The following ANKRD50 variants were observed in gnomAD, a reference collection of about 807,000 sequenced individuals.
ANKRD50 encodes ankyrin repeat domain-containing protein 50.
Under a neutral mutation model 112.0 loss-of-function variants are expected in ANKRD50, and 40 were observed. The ratio of observed to expected loss-of-function variants is 0.36; its 90% CI spans 0.28 to 0.46. The LOEUF is 0.46. Ranked by LOEUF, ANKRD50 falls within the 20% of genes least tolerant of loss-of-function variation. The probability of loss-of-function intolerance (pLI) is 1.00; values close to 1 mark genes in which losing one functional copy is unlikely to be tolerated. For missense variants in ANKRD50, 1,487 were observed against 1,701.7 expected (o/e 0.87, Z 2.22); for synonymous variants, 613 against 619.1 (o/e 0.99, Z 0.15).
chr4:124,683,494 A>G (rs758993503), intron 2 of ANKRD50, among the ~76,000 whole-genome samples: 1 of 151,990 alleles, frequency 6.6e-6, no homozygotes, highest in Non-Finnish European at 1.5e-5. Flanking sequence ...AATATTGTTA[A>G]CTAGTATTAT....
intron 3 of ANKRD50, among the ~76,000 whole-genome samples, chr4:124,676,406 CA>C (rs1488246294): frequency 6.6e-6 from 1 of 151,224 alleles, no homozygotes; most frequent in Non-Finnish European, 1.5e-5. Flanking sequence ...AAGAAAATTA[CA>C]AAAATTAAGC....
chr4:124,710,351 A>G lies in ANKRD50; in HGVS notation c.161T>C (p.Val54Ala), dbSNP rs369039763. Residue 54 changes from valine (V) to alanine (A), a missense_variant, in exon 2 of 5, where the codon GTA becomes GCA. By Grantham distance (64) the Val-to-Ala change is moderately conservative (BLOSUM62 0). Coordinates refer to ENST00000504087, the MANE Select transcript of ANKRD50 (RefSeq NM_020337.3). ...ACTAGCATTATTCCCAGAATTCATT[A>G]CAAGTGATGGTGCATTGACAGCACT... ...CNSAVNAPSL[V>A]MNSGNNASGV... 2.5e-5 allele frequency: 40 copies of G among 1,614,054 alleles called. No homozygotes were observed. Among genetic ancestry groups the G allele is most frequent in the Non-Finnish European group, 3.4e-5 (40 of 1,180,034 alleles).
chr4:124,692,887 A>G (rs140958431), intron 2 of ANKRD50, among the ~76,000 whole-genome samples: 114 of 152,282 alleles, frequency 7.5e-4, no homozygotes, highest in African/African-American at 2.6e-3. Flanking sequence ...TTATGCCTAG[A>G]GTATGTAGAA....
rs886696941 is a variant in ANKRD50 at position 124,712,614 on chromosome 4, C to G, written c.-920G>C. On this transcript the variant is annotated 5_prime_UTR_variant, in exon 1 of 5. Coordinates refer to ENST00000504087, the MANE Select transcript of ANKRD50 (RefSeq NM_020337.3). The stretch of plus-strand genomic sequence containing the variant: ...CCGGGCCCGGGGCACGCTCCCAGCT[C>G]CGGATCCTCCTCTTGGCCCCCGGCG... 1.3e-5 allele frequency: 2 copies of G among 153,776 alleles called. No homozygotes were observed. The highest frequency in any genetic ancestry group is 4.8e-5 in the African/African-American group (2 of 41,436). The allele number at this position is 153,776 out of a possible 1,614,324, so 9.5% of individuals were successfully genotyped here. A position where few individuals can be genotyped will look rare whatever the true frequency, so the allele number is the denominator to read the frequency against.
rs1476069817 is a variant in ANKRD50 at position 124,664,531 on chromosome 4, A to AT, written c.*2986dup. The AT allele has an allele frequency of 2.6e-5, 4 of 152,520 alleles. No individual in the cohort carries two copies. The highest frequency in any genetic ancestry group is 4.1e-4 in the South Asian group (2 of 4,832). The allele number at this position is 152,520 out of a possible 1,614,324, so 9.4% of individuals were successfully genotyped here. A position where few individuals can be genotyped will look rare whatever the true frequency, so the allele number is the denominator to read the frequency against. On this transcript the variant is annotated 3_prime_UTR_variant, in exon 5 of 5. Transcript: ENST00000504087. ...ATTATGCACTTTCATATACACAGGG[A>AT]TTTTTTGAGTAATATCATACAAGGG...
intron 3 of ANKRD50, among the ~76,000 whole-genome samples, chr4:124,675,203 A>G (rs1730746776): frequency 6.6e-6 from 1 of 151,724 alleles, no homozygotes; most frequent in African/African-American, 2.4e-5. Flanking sequence ...GAACTTTTCT[A>G]TTCTTACTTG....
intron 2 of ANKRD50, among the ~76,000 whole-genome samples, chr4:124,688,743 A>G (rs1725063934): frequency 1.3e-5 from 2 of 152,160 alleles, no homozygotes; most frequent in Non-Finnish European, 2.9e-5. Flanking sequence ...CACTGAAGTC[A>G]GCGAAGCCCA....
At position 124,669,379 on chromosome 4, in the gene ANKRD50, C is replaced by T. The variant is rs1285768749; in HGVS notation, c.3898G>A (p.Glu1300Lys). The change falls in exon 4 of 5, where the codon GAA (glutamate) becomes AAA (lysine). Residue 1300 changes from glutamate to lysine, a missense_variant. This residue lies in a region of ANKRD50 where 441 missense variants were observed against 432.2 expected (regional missense o/e 1.02). Coordinates refer to ENST00000504087, the MANE Select transcript of ANKRD50 (RefSeq NM_020337.3). ...CCTCTTCTATCAAACTGAGTCATTT[C>T]ATATTCTAAAACCTTTGGCTGTGAA... Reference protein sequence around the residue: ...NSSQPKVLEYEMTQFDRRGPI... With the variant: ...NSSQPKVLEYKMTQFDRRGPI... 6.2e-7 allele frequency: 1 copy of T among 1,613,700 alleles called. No homozygotes were observed. The highest frequency in any genetic ancestry group is 2.2e-5 in the East Asian group (1 of 44,852).
At chr4:124,695,515 G>A (rs1333771634) in intron 2 of ANKRD50, among the ~76,000 whole-genome samples, 1 of 152,032 alleles carries the variant, frequency 6.6e-6, no homozygotes, top group African/African-American at 2.4e-5. Context: ...CTTAAATTCC[G>A]GGCCATGCTT....
At chr4:124,695,221 G>A (rs1046017296) in intron 2 of ANKRD50, among the ~76,000 whole-genome samples, 1 of 152,152 alleles carries the variant, frequency 6.6e-6, no homozygotes, top group African/African-American at 2.4e-5. Context: ...GAGAGGGCTT[G>A]TTGAAGCAAG....
At chr4:124,703,337 C>T (rs1725433917) in intron 2 of ANKRD50, among the ~76,000 whole-genome samples, 1 of 152,034 alleles carries the variant, frequency 6.6e-6, no homozygotes, top group African/African-American at 2.4e-5. Flanking sequence ...TAGGAAGAAA[C>T]TGATGGGGAA....
Position 124,670,917 on chromosome 4 carries a change from G to A in ANKRD50, c.2360C>T (p.Ala787Val), listed in dbSNP as rs1286314697. 4 of 1,613,872 alleles carry A rather than the reference G, an allele frequency of 2.5e-6. No individual in the cohort carries two copies. The highest frequency in any genetic ancestry group is 2.2e-5 in the East Asian group (1 of 44,836). Residue 787 changes from alanine (A) to valine (V), a missense_variant, in exon 4 of 5, where the codon GCA becomes GTA. Transcript: ENST00000504087. ...TDNNGRTPLL[A>V]AASMGHASVV... ...TGATGCATGACCCATAGACGCTGCT[G>A]CTAAGAGGGGTGTACGGCCATTGTT...
intron 2 of ANKRD50, among the ~76,000 whole-genome samples, chr4:124,682,302 G>C (rs1008865794): frequency 1.6e-5 from 2 of 124,086 alleles, no homozygotes; most frequent in Non-Finnish European, 3.2e-5. Context: ...CGGCCTGGGC[G>C]ACAGAGCAAG....
intron 2 of ANKRD50, among the ~76,000 whole-genome samples, chr4:124,683,371 T>C (rs905233554): frequency 2.6e-5 from 4 of 151,934 alleles, no homozygotes; most frequent in Non-Finnish European, 5.9e-5. Context: ...GATACCTACA[T>C]GCAATCTGTA....
Position 124,669,248 on chromosome 4 carries a change from T to C in ANKRD50, c.4029A>G (p.Gln1343=), listed in dbSNP as rs1334887882. 1 of 1,613,774 alleles carries C rather than the reference T, an allele frequency of 6.2e-7. No individual in the cohort carries two copies. Among genetic ancestry groups the C allele is most frequent in the Non-Finnish European group, 8.5e-7 (1 of 1,179,814 alleles). ...PSAQQEIGRS[Q]QQFLIHQQSG... ...TTTGTTGGTGAATAAGAAACTGCTG[T>C]TGAGATCGACCAATTTCCTGCTGAG... The change falls in exon 4 of 5, where the codon CAA becomes CAG. Residue 1343 remains glutamine, a synonymous_variant. Transcript: ENST00000504087.
chr4:124,691,317 C>G (rs1725130437), intron 2 of ANKRD50, among the ~76,000 whole-genome samples: 1 of 150,740 alleles, frequency 6.6e-6, no homozygotes, highest in Non-Finnish European at 1.5e-5. Flanking sequence ...AAGGTGAAAC[C>G]CCGTCTCTAC....
rs111651064 is a variant in ANKRD50 at position 124,669,337 on chromosome 4, C to T, written c.3940G>A (p.Gly1314Arg). ...FDRRGPIAKS[G>R]TAAPPKQMPA... ...ATTTGTTTAGGTGGTGCAGCAGTCC[C>T]GGATTTGGCTATAGGTCCTCTTCTA... The change falls in exon 4 of 5, where the codon GGG (glycine) becomes AGG (arginine). Residue 1314 changes from glycine (G) to arginine (R), a missense_variant. Transcript: ENST00000504087. 6.6e-4 allele frequency: 1,057 copies of T among 1,613,644 alleles called. 9 individuals are homozygous for T. The African/African-American group carries it at 0.012, about 18-fold the overall frequency.
chr4:124,709,366 C>G (rs944475888), intron 2 of ANKRD50, among the ~76,000 whole-genome samples: 1 of 152,072 alleles, frequency 6.6e-6, no homozygotes, highest in African/African-American at 2.4e-5. Flanking sequence ...AAAAGCTTTG[C>G]TGAAGTTAGG....
intron 4 of ANKRD50, among the ~76,000 whole-genome samples, 195 bp downstream of exon 4, chr4:124,668,787 CAT>C (rs1560816262): frequency 6.6e-6 from 1 of 151,886 alleles, no homozygotes; most frequent in Non-Finnish European, 1.5e-5. Flanking sequence ...CTTTGGATAA[CAT>C]AATGCACGCA....
Sources: allele counts gnomAD v4.1 joint callset (sites outside exome capture counted in the v4.1 genomes callset), GRCh38; gene constraint gnomAD v4.1.1; regional missense constraint gnomAD v4.1.1; transcripts MANE v1.5; gene names NCBI Gene and HGNC (gene_info 2026-07-23, HGNC 2026-07-21).